PLCE1: variants seen among roughly 807,000 people sequenced by gnomAD.
PLCE1 encodes phospholipase C epsilon 1.
A neutral mutation model predicts 242.8 loss-of-function variants in PLCE1; 119 were observed. That is an observed-to-expected ratio of 0.49 (90% CI 0.42 to 0.57). The LOEUF is 0.57. Ranked by LOEUF, PLCE1 falls within the 20% of genes least tolerant of loss-of-function variation. The pLI is 0.00. For missense variants in PLCE1, 2,441 were observed against 2,788.8 expected, an observed-to-expected ratio of 0.88 and a Z score of 2.81; for synonymous variants, 945 against 1,017.4, an observed-to-expected ratio of 0.93 and a Z score of 1.35.
At chr10:94,324,237 T>A (rs1477430098) in intron 30 of PLCE1, 112 bp from the exon 31 acceptor site, 1 of 828,620 alleles carries the variant, frequency 1.2e-6, no homozygotes, top group Non-Finnish European at 2.1e-6. Context: ...ATCTGGAAGA[T>A]CCCCTTCATC....
At chr10:94,059,396 G>C (rs1443535037) in intron 2 of PLCE1, among the ~76,000 whole-genome samples, 1 of 152,154 alleles carries the variant, frequency 6.6e-6, no homozygotes, top group African/African-American at 2.4e-5. Flanking sequence ...GGAACATGAT[G>C]ACTCATAAGG....
At chr10:94,040,050 A>T (rs1422108465) in intron 2 of PLCE1, among the ~76,000 whole-genome samples, 1 of 152,230 alleles carries the variant, frequency 6.6e-6, no homozygotes, top group Non-Finnish European at 1.5e-5. Flanking sequence ...CTTGTTAAAC[A>T]TGTCCCTTGG....
intron 13 of PLCE1, 21 bp downstream of exon 13, chr10:94,259,171 T>G (rs1440815831): frequency 1.2e-6 from 2 of 1,613,594 alleles, no homozygotes; most frequent in South Asian, 2.2e-5. Context: ...CATTTTAGGA[T>G]TTCCCTTTGG....
chr10:94,107,285 A>G (rs1697282465), intron 2 of PLCE1: 1 of 152,156 alleles, frequency 6.6e-6, no homozygotes, highest in African/African-American at 2.4e-5. Flanking sequence ...GATGACGGAG[A>G]TGAGAAAAAG....
At chr10:94,233,896 C>T (rs2050229221) in intron 5 of PLCE1, among the ~76,000 whole-genome samples, 158 bp from the exon 6 acceptor site, 1 of 151,638 alleles carries the variant, frequency 6.6e-6, no homozygotes, top group African/African-American at 2.4e-5. Flanking sequence ...TGCAGTGAGC[C>T]AAGATCGCAC....
intron 3 of PLCE1, among the ~76,000 whole-genome samples, chr10:94,150,873 G>A (rs1408167397): frequency 1.3e-5 from 2 of 152,184 alleles, no homozygotes; most frequent in African/African-American, 4.8e-5. Flanking sequence ...AGGACTCTCA[G>A]GCCTGCAGCC....
chr10:93,999,053 G>T (rs1384044298), intron 1 of PLCE1, among the ~76,000 whole-genome samples: 1 of 152,192 alleles, frequency 6.6e-6, no homozygotes, highest in Non-Finnish European at 1.5e-5. Context: ...CTCCAGAACT[G>T]TAGGGTGGCA....
chr10:94,030,152 G>A lies in PLCE1; in HGVS notation c.-364-531G>A, dbSNP rs546304275. On this transcript the variant is annotated intron_variant, in intron 1 of 32. Transcript: ENST00000371380. ...AGATTTGTCCACTCTCTTCTGGATTGCATTGTTTCTGATTAAAAGTCTGCT... is the reference window on the plus strand; with the variant it reads ...AGATTTGTCCACTCTCTTCTGGATTACATTGTTTCTGATTAAAAGTCTGCT... 6.0e-4 allele frequency among the ~76,000 whole-genome samples: 91 copies of A among 152,228 alleles called. No homozygotes were observed. The Middle Eastern group carries it at 0.01, about 17-fold the overall frequency.
chr10:94,041,511 G>C (rs2061766892), intron 2 of PLCE1, among the ~76,000 whole-genome samples: 1 of 152,122 alleles, frequency 6.6e-6, no homozygotes, highest in South Asian at 2.1e-4. Flanking sequence ...ATTTCAACTG[G>C]CTGTTAGAAC....
intron 11 of PLCE1, among the ~76,000 whole-genome samples, chr10:94,255,914 A>ACACACACACTCTCTCTCTCTCT (rs1284531207): frequency 1.5e-5 from 1 of 67,286 alleles, no homozygotes; most frequent in African/African-American, 6.2e-5. Flanking sequence ...ACACACACAC[A>ACACACACACTCTCTCTCTCTCT]CTCTCTCTCT....
chr10:94,178,184 GC>G (rs1167760160), intron 4 of PLCE1, among the ~76,000 whole-genome samples: 7 of 152,078 alleles, frequency 4.6e-5, no homozygotes, highest in Non-Finnish European at 1.0e-4. Context: ...GATATCTCTG[GC>G]TGGAAAGTGA....
At chr10:94,040,925 T>C (rs1003483399) in intron 2 of PLCE1, among the ~76,000 whole-genome samples, 35 of 152,238 alleles carry the variant, frequency 2.3e-4, no homozygotes, top group African/African-American at 7.7e-4. Flanking sequence ...GCCATACTCA[T>C]TCTTTTATGT....
At chr10:94,021,461 G>GGAGTAGGTGATTTTAT (rs2061376341) in intron 1 of PLCE1, among the ~76,000 whole-genome samples, 2 of 151,876 alleles carry the variant, frequency 1.3e-5, no homozygotes, top group Non-Finnish European at 1.5e-5. Flanking sequence ...GGGGGTTGAT[G>GGAGTAGGTGATTTTAT]TTCATTTTTG....
At chr10:94,299,574 T>C (rs1188978244) in intron 24 of PLCE1, among the ~76,000 whole-genome samples, 1 of 152,242 alleles carries the variant, frequency 6.6e-6, no homozygotes, top group East Asian at 1.9e-4. Flanking sequence ...AGTTTTTCCT[T>C]TGAACAGTCA....
At chr10:94,003,475 C>T (rs2134195262) in intron 1 of PLCE1, among the ~76,000 whole-genome samples, 1 of 152,294 alleles carries the variant, frequency 6.6e-6, no homozygotes, top group Admixed American at 6.5e-5. Context: ...TGTGGCAGTT[C>T]ATTATCTGTT....
intron 3 of PLCE1, among the ~76,000 whole-genome samples, chr10:94,135,145 A>AT (rs2046728896): frequency 6.6e-6 from 1 of 152,222 alleles, no homozygotes; most frequent in Non-Finnish European, 1.5e-5. Flanking sequence ...ACCAAAAATG[A>AT]TAAGTATGTG....
Position 94,234,281 on chromosome 10 carries a change from C to A in PLCE1, c.2183C>A (p.Pro728Gln). 6.2e-7 allele frequency: 1 copy of A among 1,614,036 alleles called. No individual in the cohort carries two copies. Among genetic ancestry groups the A allele is most frequent in the Non-Finnish European group, 8.5e-7 (1 of 1,179,984 alleles). Residue 728 changes from proline to glutamine, a missense_variant, in exon 6 of 33, where the codon CCG (proline) becomes CAG (glutamine). Pro to Gln is a moderately conservative substitution (Grantham distance 76). This residue lies in a region of PLCE1 where 733 missense variants were observed against 754.2 expected (regional missense o/e 0.97). Transcript: ENST00000371380. ...DGASGLMKLCPRYNSQEETLE... is the reference protein window; with the variant it reads ...DGASGLMKLCQRYNSQEETLE... ...GCCTCCGGTCTCATGAAGCTTTGCCCGCGGTACAATTCCCAAGAAGAAACT... is the reference window on the plus strand; with the variant it reads ...GCCTCCGGTCTCATGAAGCTTTGCCAGCGGTACAATTCCCAAGAAGAAACT...
chr10:94,273,848 TAA>T (rs894152059), intron 19 of PLCE1, 128 bp downstream of exon 19: 1 of 880,514 alleles, frequency 1.1e-6, no homozygotes, highest in African/African-American at 1.7e-5. Context: ...CCTTAAATGA[TAA>T]GTTTGATTTT....
At chr10:94,325,859 T>G (rs1012878776) in intron 32 of PLCE1, among the ~76,000 whole-genome samples, 21 of 152,180 alleles carry the variant, frequency 1.4e-4, no homozygotes, top group Non-Finnish European at 2.9e-4. Flanking sequence ...TTAGGTTTGA[T>G]GTAGCTTCAA....
Sources: allele counts gnomAD v4.1 joint callset (sites outside exome capture counted in the v4.1 genomes callset), GRCh38; gene constraint gnomAD v4.1.1; regional missense constraint gnomAD v4.1.1; transcripts MANE v1.5; gene names NCBI Gene and HGNC (gene_info 2026-07-23, HGNC 2026-07-21).